Variants in FSCN1 observed in about 807,000 individuals in gnomAD.
The protein encoded by FSCN1 is fascin.
Under a neutral mutation model 39.7 loss-of-function variants are expected in FSCN1, and 10 were observed. The observed-to-expected ratio is 0.25, with a 90% CI of 0.16 to 0.43. FSCN1 has a LOEUF of 0.43. FSCN1 is among the 20% of genes least tolerant of loss of function. The pLI is 1.00. For missense variants in FSCN1, 525 were observed against 723.8 expected, an observed-to-expected ratio of 0.73 and a Z score of 3.15; for synonymous variants, 322 against 320.0, an observed-to-expected ratio of 1.01 and a Z score of -0.07.
chr7:5,601,897 G>A (rs1785837449), intron 1 of FSCN1, among the ~76,000 whole-genome samples: 1 of 152,030 alleles, frequency 6.6e-6, no homozygotes, highest in African/African-American at 2.4e-5. Flanking sequence ...GTGGGAAGGG[G>A]ACGTGTAGGA....
Position 5,593,038 on chromosome 7 carries a change from C to T in FSCN1, c.102C>T (p.Asn34=). The change falls in exon 1 of 5, where the codon AAC becomes AAT. Residue 34 remains asparagine (N), a synonymous_variant. Coordinates refer to ENST00000382361, the MANE Select transcript of FSCN1 (RefSeq NM_003088.4). ...LTAEAFGFKV[N]ASASSLKKKQ... is the part of the protein sequence containing the mutation. ...CCGAGGCGTTCGGGTTCAAGGTGAACGCGTCCGCCAGCAGCCTGAAGAAGA... is the reference window on the plus strand; with the variant it reads ...CCGAGGCGTTCGGGTTCAAGGTGAATGCGTCCGCCAGCAGCCTGAAGAAGA... The T allele has an allele frequency of 1.3e-6, 2 of 1,599,622 alleles. No individual in the cohort carries two copies. Among genetic ancestry groups the T allele is most frequent in the Non-Finnish European group, 1.7e-6 (2 of 1,173,912 alleles).
Position 5,593,555 on chromosome 7 carries a change from G to T in FSCN1, c.619G>T (p.Glu207Ter). 6.3e-7 allele frequency: 1 copy of T among 1,586,686 alleles called. No individual in the cohort carries two copies. The highest frequency in any genetic ancestry group is 1.3e-5 in the African/African-American group (1 of 74,242). Residue 207 changes from glutamate (E) to a stop codon, truncating the protein, a stop_gained, in exon 1 of 5, where the codon GAG becomes TAG. Coordinates refer to ENST00000382361, the MANE Select transcript of FSCN1 (RefSeq NM_003088.4). LOFTEE classifies it high-confidence loss of function. The stretch of plus-strand genomic sequence containing the variant: ...CGACGGGCGCCTGGTGGCGCGCCCC[G>T]AGCCGGCCACTGGCTACACGCTGGA... ...RHDGRLVARP[E>*]PATGYTLEFR...
rs1408173635 is a variant in FSCN1, at chr7:5,603,286, G to C, written c.862G>C (p.Glu288Gln). ...GGACCTGTCTGCCAATCAGGACGAG[G>C]AGACCGACCAGGAGACCTTCCAGCT... ...GMDLSANQDE[E>Q]TDQETFQLEI... Residue 288 changes from glutamate to glutamine, a missense_variant, in exon 2 of 5, where the codon GAG (glutamate) becomes CAG (glutamine). Coordinates refer to ENST00000382361, the MANE Select transcript of FSCN1 (RefSeq NM_003088.4). The surrounding 1 kb of genome is among the most constrained non-coding windows in gnomAD (Gnocchi z 8.5). The C allele has an allele frequency of 6.2e-6, 10 of 1,612,550 alleles. No homozygotes were observed. Among genetic ancestry groups the C allele is most frequent in the Non-Finnish European group, 8.5e-6 (10 of 1,180,014 alleles).
In FSCN1 at chr7:5,593,873, T is replaced by C. The variant is rs534177024; in HGVS notation, c.832+105T>C. 48 of 792,750 alleles carry C rather than the reference T, an allele frequency of 6.1e-5. No individual in the cohort carries two copies. The African/African-American group carries it at 7.8e-4, about 13-fold the overall frequency. 49.1% of individuals were successfully genotyped at this position (792,750 alleles called of 1,614,324 possible). On this transcript the variant is annotated intron_variant, in intron 1 of 4. Transcript: ENST00000382361. ...TTTCTCGCTCGCGGCGCCGCTGCGG[T>C]CCGGAGCACTGCCCATTGCGCCCCC...
At chr7:5,596,097 C>G (rs905673664) in intron 1 of FSCN1, among the ~76,000 whole-genome samples, 1 of 148,992 alleles carries the variant, frequency 6.7e-6, no homozygotes, top group Non-Finnish European at 1.5e-5. Context: ...GTCCTTATCT[C>G]GTTTCTATGT....
rs1584306659 is a variant in FSCN1, at chr7:5,606,411, C to G, written c.*937C>G. 1 of 152,016 alleles carries G rather than the reference C, an allele frequency of 6.6e-6. No individual in the cohort carries two copies. The highest frequency in any genetic ancestry group is 2.4e-5 in the African/African-American group (1 of 41,388). 9.4% of individuals were successfully genotyped at this position (152,016 alleles called of 1,614,324 possible). On this transcript the variant is annotated 3_prime_UTR_variant, in exon 5 of 5. Transcript: ENST00000382361. This position sits in a 1 kb window ranked among gnomAD's most constrained non-coding sequence, Gnocchi z 5.1. ...GGCTGCCGACACCTGGGCCAGAGCC[C>G]CTGCTGTGATTGGTGCTCCCTGGGC... is the stretch of plus-strand genomic sequence containing the variant.
intron 1 of FSCN1, among the ~76,000 whole-genome samples, chr7:5,598,175 G>A (rs1562746825): frequency 6.6e-6 from 1 of 152,180 alleles, no homozygotes; most frequent in African/African-American, 2.4e-5. Flanking sequence ...CTTTTGACAG[G>A]TGGGGAAACT....
At chr7:5,597,552 A>G (rs981737313) in intron 1 of FSCN1, among the ~76,000 whole-genome samples, 18 of 151,954 alleles carry the variant, frequency 1.2e-4, no homozygotes, top group African/African-American at 3.9e-4. Flanking sequence ...CTGTAATCCC[A>G]GCTACTCTGG....
intron 1 of FSCN1, among the ~76,000 whole-genome samples, chr7:5,600,837 T>C (rs1785815876): frequency 6.6e-6 from 1 of 151,524 alleles, no homozygotes; most frequent in South Asian, 2.1e-4. Context: ...TTTTTTGTAT[T>C]ATTAATAGAG....
Position 5,605,540 on chromosome 7 carries a change from T to G in FSCN1, c.*66T>G, listed in dbSNP as rs1785918733. ...CCTGCCAACCCTCCCTGCTAACCCC[T>G]TCTCCGCCAGGTGGGCTCCAGGGCG... is the stretch of plus-strand genomic sequence containing the variant. On this transcript the variant is annotated 3_prime_UTR_variant, in exon 5 of 5. Transcript: ENST00000382361. The surrounding 1 kb of genome is among the most constrained non-coding windows in gnomAD (Gnocchi z 6.9). The G allele has an allele frequency of 8.2e-7, 1 of 1,221,800 alleles. No individual in the cohort carries two copies. The highest frequency in any genetic ancestry group is 1.5e-5 in the South Asian group (1 of 66,762). 75.7% of individuals were successfully genotyped at this position (1,221,800 alleles called of 1,614,324 possible). A position where few individuals can be genotyped will look rare whatever the true frequency, so the allele number is the denominator to read the frequency against.
chr7:5,601,499 AC>A (rs199619562), intron 1 of FSCN1, among the ~76,000 whole-genome samples: 2,749 of 151,962 alleles, frequency 0.018, 42 homozygotes, highest in Non-Finnish European at 0.029. Context: ...CGCCGTGGCA[AC>A]CCGCATGCTT....
intron 1 of FSCN1, among the ~76,000 whole-genome samples, chr7:5,598,870 C>G (rs1470537947): frequency 2.0e-5 from 3 of 152,254 alleles, no homozygotes; most frequent in Non-Finnish European, 4.4e-5. Flanking sequence ...GTGGCCGGCA[C>G]AGGCCAGGGC....
chr7:5,596,213 C>T (rs1412121278), intron 1 of FSCN1, among the ~76,000 whole-genome samples: 7 of 151,674 alleles, frequency 4.6e-5, no homozygotes, highest in Non-Finnish European at 7.4e-5. Flanking sequence ...AAGGGGGAGG[C>T]GTCTGCTTCC....
At chr7:5,604,104 C>T in intron 4 of FSCN1, 74 bp downstream of exon 4, 1 of 1,394,678 alleles carries the variant, frequency 7.2e-7, no homozygotes, top group Non-Finnish European at 9.9e-7. Context: ...GCGGGGAGCG[C>T]CCTCTGCATC....
At chr7:5,601,627 C>T (rs145715876) in intron 1 of FSCN1, among the ~76,000 whole-genome samples, 341 of 152,138 alleles carry the variant, frequency 2.2e-3, no homozygotes, top group African/African-American at 7.5e-3. Flanking sequence ...CATGTGAGGC[C>T]GGGAGTTCAA....
intron 4 of FSCN1, among the ~76,000 whole-genome samples, chr7:5,604,284 A>T (rs1584304908): frequency 9.6e-6 from 1 of 104,624 alleles, no homozygotes; most frequent in Non-Finnish European, 2.0e-5. Context: ...GAGAGCAGGG[A>T]GGGGAAGGAG....
chr7:5,602,303 C>G (rs1785847107), intron 1 of FSCN1, among the ~76,000 whole-genome samples: 1 of 151,572 alleles, frequency 6.6e-6, no homozygotes, highest in Non-Finnish European at 1.5e-5. Context: ...TCCCAAAAGG[C>G]TGGGATTGCA....
intron 1 of FSCN1, among the ~76,000 whole-genome samples, chr7:5,595,375 C>T (rs954006014): frequency 6.6e-6 from 1 of 152,192 alleles, no homozygotes; most frequent in Non-Finnish European, 1.5e-5. Flanking sequence ...CCAGAAACCC[C>T]GTTTCCTGTT....
Position 5,605,267 on chromosome 7 carries a change from C to T in FSCN1, c.1280-5C>T. The stretch of plus-strand genomic sequence containing the variant: ...GGGCCCCACTTGATAAAGTCCCCTC[C>T]CCAGACTCCACAGGCAAATACTGGA... On this transcript the variant is annotated splice_region_variant and splice_polypyrimidine_tract_variant and intron_variant, in intron 4 of 4. Transcript: ENST00000382361. This position sits in a 1 kb window ranked among gnomAD's most constrained non-coding sequence, Gnocchi z 6.9. 1.2e-6 allele frequency: 2 copies of T among 1,611,564 alleles called. No homozygotes were observed. Among genetic ancestry groups the T allele is most frequent in the Non-Finnish European group, 1.7e-6 (2 of 1,177,912 alleles).
Sources: allele counts gnomAD v4.1 joint callset (sites outside exome capture counted in the v4.1 genomes callset), GRCh38; gene constraint gnomAD v4.1.1; non-coding constraint Gnocchi (gnomAD v3.1); transcripts MANE v1.5; gene names NCBI Gene and HGNC (gene_info 2026-07-23, HGNC 2026-07-21).